CACNA1A: variants seen among roughly 807,000 people sequenced by gnomAD.
CACNA1A encodes voltage-dependent P/Q-type calcium channel subunit alpha-1A.
CACNA1A carries 57 observed loss-of-function variants against 262.4 expected under a neutral mutation model. The observed-to-expected ratio is 0.22, with a 90% CI of 0.18 to 0.27. The LOEUF is 0.27. Ranked by LOEUF, CACNA1A falls within the 10% of genes least tolerant of loss-of-function variation. CACNA1A has a pLI of 1.00. For synonymous variants in CACNA1A, 1,431 were observed against 1,419.3 expected (o/e 1.01, Z -0.18); for missense variants, 2,526 against 3,562.8 (o/e 0.71, Z 7.41).
chr19:13,502,424 A>T (rs962662578), intron 1 of CACNA1A, among the ~76,000 whole-genome samples: 1 of 152,196 alleles, frequency 6.6e-6, no homozygotes, highest in Admixed American at 6.5e-5. Context: ...GAAAGATGAC[A>T]TTCACCTTGG....
chr19:13,346,299 T>G (rs755346842), intron 6 of CACNA1A, among the ~76,000 whole-genome samples: 3 of 152,026 alleles, frequency 2.0e-5, no homozygotes, highest in African/African-American at 2.4e-5. Flanking sequence ...TCCTCACAAA[T>G]GCCAGGAACA....
intron 1 of CACNA1A, among the ~76,000 whole-genome samples, chr19:13,465,252 G>C (rs1333148768): frequency 1.3e-5 from 2 of 152,012 alleles, no homozygotes; most frequent in Admixed American, 1.3e-4. Flanking sequence ...TCTTCAAGGA[G>C]GGAGGGAAGG....
intron 3 of CACNA1A, among the ~76,000 whole-genome samples, chr19:13,376,774 C>A (rs1311752827): frequency 7.8e-6 from 1 of 128,868 alleles, no homozygotes; most frequent in African/African-American, 3.3e-5. Context: ...ACATATATAA[C>A]ACATAATATA....
At chr19:13,461,178 A>G (rs528164274) in intron 1 of CACNA1A, among the ~76,000 whole-genome samples, 4 of 152,200 alleles carry the variant, frequency 2.6e-5, no homozygotes, top group African/African-American at 9.6e-5. Flanking sequence ...CGTCTCTACT[A>G]AAAATACAAA....
chr19:13,242,690 T>C (rs1195673472), intron 31 of CACNA1A, among the ~76,000 whole-genome samples: 1 of 152,220 alleles, frequency 6.6e-6, no homozygotes, highest in Non-Finnish European at 1.5e-5. Context: ...CTGTTTTGTT[T>C]GGCACCCCTC....
chr19:13,314,231 T>C (rs1319584608), intron 11 of CACNA1A, among the ~76,000 whole-genome samples: 1 of 152,126 alleles, frequency 6.6e-6, no homozygotes, highest in Non-Finnish European at 1.5e-5. Context: ...GCAGAAAGCA[T>C]ACAGAAAGGA....
chr19:13,286,006 C>T (rs1277297152), intron 20 of CACNA1A, among the ~76,000 whole-genome samples: 3 of 139,768 alleles, frequency 2.1e-5, no homozygotes, highest in Non-Finnish European at 4.5e-5. Context: ...ACCCAGGCTG[C>T]AGTACAGAGG....
At chr19:13,494,695 G>A (rs1297855606) in intron 1 of CACNA1A, among the ~76,000 whole-genome samples, 1 of 152,166 alleles carries the variant, frequency 6.6e-6, no homozygotes, top group Non-Finnish European at 1.5e-5. Context: ...GACGCCTCAG[G>A]AAACTTACAA....
chr19:13,212,141 G>A lies in CACNA1A; in HGVS notation c.6265C>T (p.Arg2089Trp), dbSNP rs200093958. 19 of 1,613,514 alleles carry A rather than the reference G, an allele frequency of 1.2e-5. No individual in the cohort carries two copies. The highest frequency in any genetic ancestry group is 2.2e-5 in the East Asian group (1 of 44,900). ...EHYLPMEGQG[R>W]AASMPRLPAE... Reference sequence around the variant, plus strand: ...GGGAGGCGGGGCATGGAGGCAGCCCGGCCCTGGCCTTCCATGGGGAGGTAG... The same window carrying A: ...GGGAGGCGGGGCATGGAGGCAGCCCAGCCCTGGCCTTCCATGGGGAGGTAG... Residue 2089 changes from arginine (R) to tryptophan (W), a missense_variant, in exon 43 of 47, where the codon CGG becomes TGG. By Grantham distance (101) the Arg-to-Trp change is moderately radical. This residue lies in a region of CACNA1A where 929 missense variants were observed against 868.1 expected (regional missense o/e 1.07). Transcript: ENST00000360228. This position sits in a 1 kb window ranked among gnomAD's most constrained non-coding sequence, Gnocchi z 5.6.
At chr19:13,224,488 A>AAAAAAAAAAAAAAAAAAAAC in intron 38 of CACNA1A, among the ~76,000 whole-genome samples, 179 bp downstream of exon 38, 1 of 32,592 alleles carries the variant, frequency 3.1e-5, no homozygotes, top group Non-Finnish European at 8.3e-5. Context: ...CTCTGTCTCA[A>AAAAAAAAAAAAAAAAAAAAC]AAAAAAAAAA....
chr19:13,245,854 T>C (rs2056220020), intron 30 of CACNA1A, among the ~76,000 whole-genome samples: 3 of 152,052 alleles, frequency 2.0e-5, no homozygotes, highest in Admixed American at 1.3e-4. Flanking sequence ...GTATTTTTAG[T>C]AGAGACGGGG....
intron 1 of CACNA1A, among the ~76,000 whole-genome samples, chr19:13,485,612 A>G (rs907189341): frequency 1.3e-5 from 2 of 152,232 alleles, no homozygotes; most frequent in African/African-American, 2.4e-5. Context: ...GTCAATAAAT[A>G]TTTTAAACTA....
chr19:13,295,594 C>T (rs901996619), intron 19 of CACNA1A, among the ~76,000 whole-genome samples: 4 of 151,726 alleles, frequency 2.6e-5, no homozygotes, highest in African/African-American at 9.7e-5. Context: ...TGGGCTCAAG[C>T]AATCCTCCTG....
At position 13,241,511 on chromosome 19, in the gene CACNA1A, T is replaced by A. The variant is rs759020159; in HGVS notation, c.4950+3671A>T. 6 of 1,266,170 alleles carry A rather than the reference T, an allele frequency of 4.7e-6. No homozygotes were observed. The East Asian group carries it at 2.9e-4, about 62-fold the overall frequency. The allele number at this position is 1,266,170 out of a possible 1,614,324, so 78.4% of individuals were successfully genotyped here. A position where few individuals can be genotyped will look rare whatever the true frequency, so the allele number is the denominator to read the frequency against. Reference sequence around the variant, plus strand: ...AAGGCATTTAGACTTCAGAAAGAAGTAAGACCAACCGGATTCTAGATGCAG... The same window carrying A: ...AAGGCATTTAGACTTCAGAAAGAAGAAAGACCAACCGGATTCTAGATGCAG... On this transcript the variant is annotated intron_variant, in intron 31 of 46. Coordinates refer to ENST00000360228, the MANE Select transcript of CACNA1A (RefSeq NM_001127222.2). This position sits in a 1 kb window ranked among gnomAD's most constrained non-coding sequence, Gnocchi z 4.0.
At chr19:13,503,922 G>A (rs904380489) in intron 1 of CACNA1A, among the ~76,000 whole-genome samples, 5 of 151,912 alleles carry the variant, frequency 3.3e-5, no homozygotes, top group African/African-American at 7.3e-5. Flanking sequence ...TCCCCCTTCC[G>A]AGGGGCCACT....
At position 13,208,810 on chromosome 19, in the gene CACNA1A, G is replaced by T. The variant is rs1477775078; in HGVS notation, c.6726C>A (p.Asp2242Glu). The change falls in exon 46 of 47, where the codon GAC becomes GAA. Residue 2242 changes from aspartate (D) to glutamate (E), a missense_variant. Asp to Glu is a conservative substitution (Grantham distance 45). Around this residue, in one of 17 missense-constraint regions of CACNA1A, gnomAD observed 929 missense variants for 868.1 expected, o/e 1.07. Transcript: ENST00000360228. ...RPDHGRARAR[D>E]QRWSRSPSEG... ...CGCTGGGCGAGCGGGACCAGCGCTG[G>T]TCCCGAGCCCGTGCCCGGCCGTGGT... The T allele has an allele frequency of 6.5e-7, 1 of 1,543,028 alleles. No individual in the cohort carries two copies. Among genetic ancestry groups the T allele is most frequent in the East Asian group, 2.4e-5 (1 of 41,036 alleles).
chr19:13,332,737 A>G lies in CACNA1A; in HGVS notation c.1255+132T>C, dbSNP rs41276892. 0.045 allele frequency: 23,820 copies of G among 527,366 alleles called. 684 individuals are homozygous for G. Among genetic ancestry groups the G allele is most frequent in the Middle Eastern group, 0.053 (103 of 1,930 alleles). 32.7% of individuals were successfully genotyped at this position (527,366 alleles called of 1,614,324 possible). On this transcript the variant is annotated intron_variant, in intron 9 of 46. Coordinates refer to ENST00000360228, the MANE Select transcript of CACNA1A (RefSeq NM_001127222.2). ...AGGGAAACTCTGCATGGAAGTCCTA[A>G]AATTCCTCCAAGAGGAACGTCTACC...
At chr19:13,375,584 T>C (rs1208891414) in intron 3 of CACNA1A, among the ~76,000 whole-genome samples, 1 of 152,048 alleles carries the variant, frequency 6.6e-6, no homozygotes, top group Non-Finnish European at 1.5e-5. Flanking sequence ...GCCTAGGAGT[T>C]TGAGACTAGC....
At chr19:13,213,173 G>A (rs2054880651) in intron 40 of CACNA1A, among the ~76,000 whole-genome samples, 1 of 152,088 alleles carries the variant, frequency 6.6e-6, no homozygotes, top group African/African-American at 2.4e-5. Context: ...CCTTGCCCTT[G>A]TCTCCTCCCT....
Sources: gnomAD v4.1 joint callset for allele counts (sites outside exome capture counted in the v4.1 genomes callset) on GRCh38, gnomAD v4.1.1 for gene constraint, gnomAD v4.1.1 regional missense constraint, Gnocchi (gnomAD v3.1) non-coding constraint, MANE v1.5 for transcripts, NCBI Gene and HGNC (gene_info 2026-07-23, HGNC 2026-07-21) for gene names.